The following TBX1 variants were observed in gnomAD, a reference collection of about 807,000 sequenced individuals.
The protein encoded by TBX1 is T-box transcription factor TBX1.
Under a neutral mutation model 40.8 loss-of-function variants are expected in TBX1, and 16 were observed. That is an observed-to-expected ratio of 0.39 (90% CI 0.27 to 0.60). TBX1 has a LOEUF of 0.60. Among genes scored for constraint, TBX1 ranks in the 20% least tolerant of loss-of-function variants. The pLI is 0.51. For synonymous variants in TBX1, 403 were observed against 336.8 expected (o/e 1.20, Z -2.15); for missense variants, 755 against 728.5 (o/e 1.04, Z -0.42).
rs1569024411 is a variant in TBX1, at chr22:19,766,762, AGCCGCCGCGGCCGCCGCCGCCGCT to A, written c.1416_1439del (p.Ala478_Ala485del). The A allele has an allele frequency of 2.0e-6, 3 of 1,488,588 alleles. No homozygotes were observed. The African/African-American group carries it at 4.5e-5, about 22-fold the overall frequency. The allele number at this position is 1,488,588 out of a possible 1,614,324, so 92.2% of individuals were successfully genotyped here. A position where few individuals can be genotyped will look rare whatever the true frequency, so the allele number is the denominator to read the frequency against. On this transcript the variant is annotated inframe_deletion, in exon 7 of 7. Coordinates refer to ENST00000649276, the MANE Select transcript of TBX1 (RefSeq NM_001379200.1). The stretch of plus-strand genomic sequence containing the variant: ...ACCACCACCACCACCCCGTGAGTCC[AGCCGCCGCGGCCGCCGCCGCCGCT>A]GCCGCAGCTGCCGCGGCCGCCAACA...
At position 19,766,932 on chromosome 22, in the gene TBX1, C is replaced by A; in HGVS notation, c.*65C>A. On this transcript the variant is annotated 3_prime_UTR_variant, in exon 7 of 7. Transcript: ENST00000649276. ...CCCGAAGTTCGCCGGGCCCGGCCACCCTGCCCCAAGGGCAAGCAAGGAATA... is the reference window on the plus strand; with the variant it reads ...CCCGAAGTTCGCCGGGCCCGGCCACACTGCCCCAAGGGCAAGCAAGGAATA... 1.3e-6 allele frequency: 2 copies of A among 1,561,540 alleles called. No homozygotes were observed. Among genetic ancestry groups the A allele is most frequent in the Non-Finnish European group, 1.7e-6 (2 of 1,163,024 alleles).
At position 19,761,126 on chromosome 22, in the gene TBX1, C is replaced by T. The variant is rs1423907244; in HGVS notation, c.283C>T (p.Pro95Ser). The T allele has an allele frequency of 3.0e-6, 4 of 1,333,338 alleles. No homozygotes were observed. The highest frequency in any genetic ancestry group is 3.9e-6 in the Non-Finnish European group (4 of 1,023,754). The allele number at this position is 1,333,338 out of a possible 1,614,324, so 82.6% of individuals were successfully genotyped here. A position where few individuals can be genotyped will look rare whatever the true frequency, so the allele number is the denominator to read the frequency against. ...GGCCGCCACCAGCGCCGCCGCCGAG[C>T]CCGAGGGCCCCGGGGCCAGCTGCGC... The part of the protein sequence containing the change: ...AGAATSAAAE[P>S]EGPGASCAAA... The change falls in exon 1 of 7, where the codon CCC (proline) becomes TCC (serine). Residue 95 changes from proline (P) to serine (S), a missense_variant. This residue lies in a region of TBX1 where 199 missense variants were observed against 173.0 expected (regional missense o/e 1.15). Transcript: ENST00000649276.
In TBX1 at chr22:19,764,137, C is replaced by T. The variant is rs1288419995; in HGVS notation, c.540-18C>T. 1 of 1,612,510 alleles carries T rather than the reference C, an allele frequency of 6.2e-7. No homozygotes were observed. The highest frequency in any genetic ancestry group is 8.5e-7 in the Non-Finnish European group (1 of 1,179,820). Reference sequence around the variant, plus strand: ...GGGTTCACCTCCACATGCACGACCCCACCCCGTGCCGCTCCAGGTACGCCT... The same window carrying T: ...GGGTTCACCTCCACATGCACGACCCTACCCCGTGCCGCTCCAGGTACGCCT... On this transcript the variant is annotated intron_variant, in intron 2 of 6. Coordinates refer to ENST00000649276, the MANE Select transcript of TBX1 (RefSeq NM_001379200.1).
At chr22:19,762,891 A>C (rs573784843) in intron 1 of TBX1, among the ~76,000 whole-genome samples, 1 of 152,194 alleles carries the variant, frequency 6.6e-6, no homozygotes. Flanking sequence ...CACGTTAGGC[A>C]CCCTGCTGCC....
rs1221938042 is a variant in TBX1 at position 19,761,171 on chromosome 22, G to T, written c.328G>T (p.Val110Leu). ...ASCAAAAKAPVKKNAKVAGVS... is the reference protein window; with the variant it reads ...ASCAAAAKAPLKKNAKVAGVS... ...CTGCGCGGCCGCAGCCAAGGCGCCGGTGAAGAAGAACGCGAAGGTGGCCGG... is the reference window on the plus strand; with the variant it reads ...CTGCGCGGCCGCAGCCAAGGCGCCGTTGAAGAAGAACGCGAAGGTGGCCGG... Residue 110 changes from valine (V) to leucine (L), a missense_variant, in exon 1 of 7, where the codon GTG (valine) becomes TTG (leucine). Val to Leu is a conservative substitution (Grantham distance 32, BLOSUM62 1). This residue lies in a region of TBX1 where 199 missense variants were observed against 173.0 expected (regional missense o/e 1.15). Coordinates refer to ENST00000649276, the MANE Select transcript of TBX1 (RefSeq NM_001379200.1). 1 of 1,528,310 alleles carries T rather than the reference G, an allele frequency of 6.5e-7. No individual in the cohort carries two copies. The highest frequency in any genetic ancestry group is 8.8e-7 in the Non-Finnish European group (1 of 1,134,596). The allele number at this position is 1,528,310 out of a possible 1,614,324, so 94.7% of individuals were successfully genotyped here.
chr22:19,771,872 G>A (rs1457475855), downstream of TBX1, among the ~76,000 whole-genome samples: 4 of 152,194 alleles, frequency 2.6e-5, no homozygotes, highest in Non-Finnish European at 5.9e-5. Flanking sequence ...GGCCCATGTC[G>A]GTGCGCCCAC....
chr22:19,768,945 T>G (rs1280749368), downstream of TBX1, among the ~76,000 whole-genome samples: 1 of 145,938 alleles, frequency 6.9e-6, no homozygotes, highest in Non-Finnish European at 1.5e-5. Context: ...TCCGGGGCTG[T>G]TCGCATTCTT....
chr22:19,761,491 C>T (rs1472921328), intron 1 of TBX1, among the ~76,000 whole-genome samples: 7 of 151,734 alleles, frequency 4.6e-5, no homozygotes, highest in South Asian at 2.1e-4. Context: ...AACACCTATC[C>T]TCCGCCGGGG....
rs1601294456 is a variant in TBX1, at chr22:19,766,632, A to T, written c.1280A>T (p.Tyr427Phe). 7.1e-6 allele frequency: 11 copies of T among 1,545,050 alleles called. No homozygotes were observed. Among genetic ancestry groups the T allele is most frequent in the African/African-American group, 7.1e-5 (5 of 70,300 alleles). ...SEPLHHHPYK[Y>F]PAAAYDHYLG... ...CCGCTGCACCACCACCCCTACAAAT[A>T]TCCGGCCGCCGCCTACGACCACTAT... The change falls in exon 7 of 7, where the codon TAT becomes TTT. Residue 427 changes from tyrosine (Y) to phenylalanine (F), a missense_variant. Physicochemically the swap from Tyr to Phe is conservative, Grantham distance 22. Around this residue, in one of 3 missense-constraint regions of TBX1, gnomAD observed 412 missense variants for 317.6 expected, o/e 1.30. Transcript: ENST00000649276.
chr22:19,766,500 C>A lies in TBX1; in HGVS notation c.1148C>A (p.Pro383His), dbSNP rs953761540. The A allele has an allele frequency of 3.0e-6, 4 of 1,312,334 alleles. No individual in the cohort carries two copies. The highest frequency in any genetic ancestry group is 1.9e-6 in the Non-Finnish European group (2 of 1,033,550). The allele number at this position is 1,312,334 out of a possible 1,614,324, so 81.3% of individuals were successfully genotyped here. The change falls in exon 7 of 7, where the codon CCC becomes CAC. Residue 383 changes from proline to histidine, a missense_variant. Physicochemically the swap from Pro to His is moderately conservative, Grantham distance 77 (BLOSUM62 -2). Around this residue, in one of 3 missense-constraint regions of TBX1, gnomAD observed 412 missense variants for 317.6 expected, o/e 1.30. Coordinates refer to ENST00000649276, the MANE Select transcript of TBX1 (RefSeq NM_001379200.1). The stretch of plus-strand genomic sequence containing the variant: ...GCCCGGGTGCTAAGCCCCTCGCTGC[C>A]CGGGGCCGGCGGCGCCGGCGGCTTA... Reference protein sequence around the residue: ...LLARVLSPSLPGAGGAGGLVP... With the variant: ...LLARVLSPSLHGAGGAGGLVP...
At chr22:19,757,270 C>T (rs1936508341), upstream of TBX1, among the ~76,000 whole-genome samples, 1 of 152,118 alleles carries the variant, frequency 6.6e-6, no homozygotes, top group African/African-American at 2.4e-5. Context: ...GCAAGCTGGC[C>T]GCCCCTGCCT....
intron 3 of TBX1, 138 bp from the exon 4 acceptor site, chr22:19,764,820 C>A: frequency 9.4e-7 from 1 of 1,063,818 alleles, no homozygotes; most frequent in Admixed American, 1.8e-5. Flanking sequence ...GACCCAGCCT[C>A]ATCTTGGAAT....
At chr22:19,783,378 CT>C (rs1937161011), downstream of TBX1, 1 of 349,588 alleles carries the variant, frequency 2.9e-6, no homozygotes, top group South Asian at 2.3e-5. Flanking sequence ...AGATGTGCTG[CT>C]GTTCCCAGGC....
intron 8 of TBX1, among the ~76,000 whole-genome samples, chr22:19,776,765 G>C (rs955498210): frequency 6.6e-6 from 1 of 152,224 alleles, no homozygotes; most frequent in African/African-American, 2.4e-5. Flanking sequence ...ACCCGCATGT[G>C]CCTCTGCCAA....
Position 19,765,182 on chromosome 22 carries a change from C to G in TBX1, c.867+69C>G. 4 of 1,608,838 alleles carry G rather than the reference C, an allele frequency of 2.5e-6. No homozygotes were observed. The South Asian group carries it at 4.4e-5, about 18-fold the overall frequency. ...GAAAAGCGGGTGTAATTTTCAGTTG[C>G]CGTTTGGGGACAGTGGGTCCGCTTA... On this transcript the variant is annotated intron_variant, in intron 4 of 6. Coordinates refer to ENST00000649276, the MANE Select transcript of TBX1 (RefSeq NM_001379200.1).
chr22:19,766,602 C>G lies in TBX1; in HGVS notation c.1250C>G (p.Ser417Trp), dbSNP rs779281442. 4.0e-6 allele frequency: 6 copies of G among 1,504,380 alleles called. No individual in the cohort carries two copies. In the South Asian group the frequency reaches 6.2e-5, roughly 15 times the overall value. The allele number at this position is 1,504,380 out of a possible 1,614,324, so 93.2% of individuals were successfully genotyped here. The change falls in exon 7 of 7, where the codon TCG becomes TGG. Residue 417 changes from serine to tryptophan, a missense_variant. By Grantham distance (177) the Ser-to-Trp change is radical. Transcript: ENST00000649276. The part of the protein sequence containing the change: ...PELRLEAPGA[S>W]EPLHHHPYKY... Reference sequence around the variant, plus strand: ...CTGCGCCTGGAGGCGCCCGGCGCATCGGAGCCGCTGCACCACCACCCCTAC... The same window carrying G: ...CTGCGCCTGGAGGCGCCCGGCGCATGGGAGCCGCTGCACCACCACCCCTAC...
upstream of TBX1, chr22:19,756,768 C>CCG (rs1317901716): frequency 2.0e-5 from 3 of 152,420 alleles, no homozygotes; most frequent in Non-Finnish European, 2.9e-5. Flanking sequence ...GGAACACTTG[C>CCG]CGCGGGCCGT....
chr22:19,765,074 G>A lies in TBX1; in HGVS notation c.828G>A (p.Glu276=). The A allele has an allele frequency of 6.2e-7, 1 of 1,614,242 alleles. No individual in the cohort carries two copies. Among genetic ancestry groups the A allele is most frequent in the South Asian group, 1.1e-5 (1 of 91,084 alleles). Residue 276 remains glutamate, a synonymous_variant, in exon 4 of 7, where the codon GAG becomes GAA. Transcript: ENST00000649276. The stretch of plus-strand genomic sequence containing the variant: ...ACTTCAAAACCTTTGTGTTCGAGGA[G>A]ACACGATTCACCGCGGTCACTGCCT... ...EENFKTFVFE[E]TRFTAVTAYQ...
At chr22:19,766,048 C>A in intron 6 of TBX1, 46 bp downstream of exon 6, 4 of 1,403,476 alleles carry the variant, frequency 2.9e-6, no homozygotes, top group South Asian at 1.4e-5. Context: ...TGTGCGCGCT[C>A]TACCCCGGGC....
Sources: allele counts gnomAD v4.1 joint callset (sites outside exome capture counted in the v4.1 genomes callset), GRCh38; gene constraint gnomAD v4.1.1; regional missense constraint gnomAD v4.1.1; transcripts MANE v1.5; gene names NCBI Gene and HGNC (gene_info 2026-07-23, HGNC 2026-07-21).